Variants in ARMC8 observed in about 807,000 individuals in gnomAD.
The protein encoded by ARMC8 is armadillo repeat-containing protein 8.
In ARMC8, 20 loss-of-function variants were observed where a neutral mutation model predicts 99.3. The observed-to-expected ratio is 0.20, with a 90% CI of 0.14 to 0.29. ARMC8 has a LOEUF of 0.29. Ranked by LOEUF, ARMC8 falls within the 10% of genes least tolerant of loss-of-function variation. The pLI is 1.00. For synonymous variants in ARMC8, 263 were observed against 278.3 expected, an observed-to-expected ratio of 0.95 and a Z score of 0.55; for missense variants, 569 against 809.5, an observed-to-expected ratio of 0.70 and a Z score of 3.60.
intron 1 of ARMC8, among the ~76,000 whole-genome samples, chr3:138,203,383 C>A (rs946450718): frequency 6.6e-6 from 1 of 152,272 alleles, no homozygotes; most frequent in East Asian, 1.9e-4. Flanking sequence ...GCCTCTGGCC[C>A]AAGATCTCTT....
At chr3:138,237,408 C>T in intron 8 of ARMC8, 24 bp downstream of exon 8, 4 of 1,611,764 alleles carry the variant, frequency 2.5e-6, no homozygotes, top group Non-Finnish European at 3.4e-6. Context: ...TTCAGTGGCA[C>T]CTACATGATT....
intron 1 of ARMC8, among the ~76,000 whole-genome samples, chr3:138,201,333 C>A (rs2044053981): frequency 6.7e-6 from 1 of 148,438 alleles, no homozygotes; most frequent in Admixed American, 6.8e-5. Context: ...TATACTATAT[C>A]ATCGTAATAC....
intron 16 of ARMC8, among the ~76,000 whole-genome samples, chr3:138,271,463 A>G (rs2048778861): frequency 6.6e-6 from 1 of 152,198 alleles, no homozygotes; most frequent in African/African-American, 2.4e-5. Context: ...TATCACTTAA[A>G]TGGCGTATGG....
At chr3:138,209,679 G>A in intron 1 of ARMC8, 138 bp from the exon 2 acceptor site, 1 of 671,844 alleles carries the variant, frequency 1.5e-6, no homozygotes. Context: ...TCATGAGGAG[G>A]CAAAACTAAG....
At position 138,278,033 on chromosome 3, in the gene ARMC8, A is replaced by G. The variant is rs573379681; in HGVS notation, c.1725+3489A>G. Among the ~76,000 whole-genome samples, 218 of 152,344 alleles carry G rather than the reference A, an allele frequency of 1.4e-3. 1 individual carries two copies. Among genetic ancestry groups the G allele is most frequent in the Middle Eastern group, 6.8e-3 (2 of 294 alleles). On this transcript the variant is annotated intron_variant, in intron 18 of 21. Transcript: ENST00000469044. ...GGCAAGATACTATATGATCCCATCTATATGACCATCTGTAAAAGACAAAAC... is the reference window on the plus strand; with the variant it reads ...GGCAAGATACTATATGATCCCATCTGTATGACCATCTGTAAAAGACAAAAC...
At chr3:138,226,188 G>T (rs894406721) in intron 5 of ARMC8, among the ~76,000 whole-genome samples, 4 of 152,092 alleles carry the variant, frequency 2.6e-5, no homozygotes. Flanking sequence ...TAGAGACAAG[G>T]TTTCACCATA....
At chr3:138,218,271 T>C (rs1210636478) in intron 2 of ARMC8, among the ~76,000 whole-genome samples, 1 of 152,204 alleles carries the variant, frequency 6.6e-6, no homozygotes, top group Non-Finnish European at 1.5e-5. Flanking sequence ...ACTAATATTA[T>C]AAGCATTCCA....
chr3:138,248,337 C>T (rs184973715), intron 12 of ARMC8, among the ~76,000 whole-genome samples: 77 of 152,274 alleles, frequency 5.1e-4, no homozygotes, highest in African/African-American at 1.8e-3. Context: ...GAATTGAGAG[C>T]TCAGTGGAAG....
chr3:138,246,125 A>T, intron 12 of ARMC8: 1 of 985,446 alleles, frequency 1.0e-6, no homozygotes, highest in African/African-American at 1.7e-5. Context: ...TAGAAAGAGG[A>T]GTATGGAACA....
intron 1 of ARMC8, chr3:138,188,281 A>T: frequency 1.2e-6 from 1 of 838,030 alleles, no homozygotes; most frequent in Non-Finnish European, 1.7e-6. Context: ...GTTTTTCTTT[A>T]AGGGGAGTCA....
intron 11 of ARMC8, among the ~76,000 whole-genome samples, chr3:138,243,135 A>C (rs9809367): frequency 0.32 from 48,225 of 152,118 alleles, 9,370 homozygotes; most frequent in East Asian, 0.73. Flanking sequence ...CAGGAAGGCA[A>C]ATAAAATGTT....
intron 18 of ARMC8, among the ~76,000 whole-genome samples, chr3:138,282,262 C>T (rs1429639849): frequency 2.0e-5 from 3 of 152,074 alleles, no homozygotes; most frequent in Admixed American, 6.6e-5. Context: ...TTAAGGAATT[C>T]GAGCAGAACT....
rs145930239 is a variant in ARMC8 at position 138,248,545 on chromosome 3, A to G, written c.1134+3362A>G. Among the ~76,000 whole-genome samples the G allele has an allele frequency of 6.6e-4, 101 of 152,338 alleles. 1 individual carries two copies. The highest frequency in any genetic ancestry group is 2.2e-3 in the African/African-American group (90 of 41,570). On this transcript the variant is annotated intron_variant, in intron 12 of 21. Transcript: ENST00000469044. ...AGATACGAAGCAAAATAGATCAACAAACTATTTCAAGTACTGGCATCCCCA... is the reference window on the plus strand; with the variant it reads ...AGATACGAAGCAAAATAGATCAACAGACTATTTCAAGTACTGGCATCCCCA...
At chr3:138,270,214 A>C in intron 16 of ARMC8, 82 bp downstream of exon 16, 1 of 1,099,474 alleles carries the variant, frequency 9.1e-7, no homozygotes, top group Non-Finnish European at 1.3e-6. Flanking sequence ...GTGTTATTTG[A>C]AATGTCTGGA....
intron 2 of ARMC8, among the ~76,000 whole-genome samples, chr3:138,212,788 T>A (rs1041693233): frequency 6.6e-6 from 1 of 151,962 alleles, no homozygotes; most frequent in African/African-American, 2.4e-5. Flanking sequence ...GGCCACAGAG[T>A]ATAAACAACC....
chr3:138,294,531 TTATA>T (rs1359717675), intron 21 of ARMC8, among the ~76,000 whole-genome samples: 2 of 152,214 alleles, frequency 1.3e-5, no homozygotes, highest in African/African-American at 4.8e-5. Context: ...CTTTAGAGTC[TTATA>T]TAATTGCAAG....
chr3:138,243,736 A>G (rs754144325), intron 11 of ARMC8, among the ~76,000 whole-genome samples: 1 of 152,180 alleles, frequency 6.6e-6, no homozygotes, highest in Non-Finnish European at 1.5e-5. Flanking sequence ...CTTCACACAC[A>G]GTCAGTGACA....
At chr3:138,284,667 C>A in intron 19 of ARMC8, 141 bp downstream of exon 19, 1 of 642,830 alleles carries the variant, frequency 1.6e-6, no homozygotes. Context: ...GAACTCTCTT[C>A]CATCCTGAAG....
chr3:138,245,490 C>G (rs2046840252), intron 12 of ARMC8: 1 of 1,273,494 alleles, frequency 7.9e-7, no homozygotes, highest in Non-Finnish European at 9.9e-7. Context: ...AATTCTAGCA[C>G]TGTGAAGCTT....
Sources: gnomAD v4.1 joint callset for allele counts (sites outside exome capture counted in the v4.1 genomes callset) on GRCh38, gnomAD v4.1.1 for gene constraint, MANE v1.5 for transcripts, NCBI Gene and HGNC (gene_info 2026-07-23, HGNC 2026-07-21) for gene names.